The following CLASP1 variants were observed in gnomAD, a reference collection of about 807,000 sequenced individuals.
The protein encoded by CLASP1 is cytoplasmic linker associated protein 1.
In CLASP1, 38 loss-of-function variants were observed where a neutral mutation model predicts 192.3. The ratio of observed to expected loss-of-function variants is 0.20; its 90% CI spans 0.15 to 0.26. The LOEUF is 0.26. Among genes scored for constraint, CLASP1 ranks in the 10% least tolerant of loss-of-function variants. The pLI is 1.00. For missense variants in CLASP1, 1,433 were observed against 1,932.5 expected (o/e 0.74, Z 4.85); for synonymous variants, 691 against 712.8 (o/e 0.97, Z 0.49).
chr2:121,414,221 G>A lies in CLASP1; in HGVS notation c.2321-3252C>T, dbSNP rs957714438. On this transcript the variant is annotated intron_variant, in intron 23 of 39. Transcript: ENST00000263710. Reference sequence around the variant, plus strand: ...TCGAGAGGCTGCAGGTAAAAGGAATGGCAACACCCACAGGATTAACACAGA... The same window carrying A: ...TCGAGAGGCTGCAGGTAAAAGGAATAGCAACACCCACAGGATTAACACAGA... 6.6e-6 allele frequency among the ~76,000 whole-genome samples: 1 copy of A among 152,104 alleles called. No individual in the cohort carries two copies. Among genetic ancestry groups the A allele is most frequent in the Non-Finnish European group, 1.5e-5 (1 of 68,028 alleles).
intron 19 of CLASP1, among the ~76,000 whole-genome samples, chr2:121,435,944 T>A (rs2082223361): frequency 6.6e-6 from 1 of 152,332 alleles, no homozygotes; most frequent in Admixed American, 6.5e-5. Flanking sequence ...CAGATTTCCC[T>A]GTTTTCTTTG....
At chr2:121,629,067 C>A (rs1423699520) in intron 1 of CLASP1, among the ~76,000 whole-genome samples, 1 of 151,996 alleles carries the variant, frequency 6.6e-6, no homozygotes, top group Non-Finnish European at 1.5e-5. Context: ...CGTACAACAG[C>A]ATACTATGCA....
At chr2:121,514,233 C>T (rs2094222374) in intron 7 of CLASP1, among the ~76,000 whole-genome samples, 1 of 152,228 alleles carries the variant, frequency 6.6e-6, no homozygotes, top group Non-Finnish European at 1.5e-5. Flanking sequence ...ATGGTGGATT[C>T]ATGGTCTGGG....
chr2:121,471,283 A>T (rs2090672060), intron 8 of CLASP1, among the ~76,000 whole-genome samples: 1 of 152,244 alleles, frequency 6.6e-6, no homozygotes, highest in African/African-American at 2.4e-5. Flanking sequence ...CCCTGTCTCG[A>T]GAAAAAAGAA....
At chr2:121,449,194 C>T in intron 16 of CLASP1, 74 bp from the exon 17 acceptor site, 7 of 1,338,932 alleles carry the variant, frequency 5.2e-6, no homozygotes, top group Non-Finnish European at 7.2e-6. Context: ...TGGAGTACAC[C>T]ACAGAAGATT....
chr2:121,464,639 T>C (rs914519940), intron 9 of CLASP1, among the ~76,000 whole-genome samples: 1 of 152,216 alleles, frequency 6.6e-6, no homozygotes, highest in African/African-American at 2.4e-5. Context: ...GCTGCATAAA[T>C]GTCTTCTTTT....
In CLASP1 at chr2:121,384,169, TACAC is replaced by T. The variant is rs35612382; in HGVS notation, c.3375-1849_3375-1846del. Among the ~76,000 whole-genome samples, 76 of 142,454 alleles carry T rather than the reference TACAC, an allele frequency of 5.3e-4. 1 individual carries two copies. Among genetic ancestry groups the T allele is most frequent in the East Asian group, 1.4e-3 (7 of 4,950 alleles). The allele number at this position is 142,454 out of a possible 152,430, so 93.5% of individuals were successfully genotyped here. On this transcript the variant is annotated intron_variant, in intron 32 of 39. Coordinates refer to ENST00000263710, the Ensembl canonical transcript of CLASP1. Reference sequence around the variant, plus strand: ...ATACACACACACACATATATATATATACACACACACACACACACACACACATTTT... The same window carrying T: ...ATACACACACACACATATATATATATACACACACACACACACACACATTTT...
At position 121,421,278 on chromosome 2, in the gene CLASP1, C is replaced by T. The variant is rs754847067; in HGVS notation, c.2213-2549G>A. ...ATTTATTTAATTTCTTTTTTTGAGA[C>T]GGAGTCTTGCTCTGTCACCTGGGCT... is the stretch of plus-strand genomic sequence containing the variant. On this transcript the variant is annotated intron_variant, in intron 22 of 39. Coordinates refer to ENST00000263710, the Ensembl canonical transcript of CLASP1. Among the ~76,000 whole-genome samples, 35 of 152,070 alleles carry T rather than the reference C, an allele frequency of 2.3e-4. 1 individual carries two copies. Among genetic ancestry groups the T allele is most frequent in the Admixed American group, 1.1e-3 (17 of 15,272 alleles).
intron 2 of CLASP1, among the ~76,000 whole-genome samples, chr2:121,593,699 A>G (rs1284055004): frequency 2.0e-5 from 3 of 150,800 alleles, no homozygotes; most frequent in African/African-American, 7.4e-5. Context: ...GAACTGGATC[A>G]TGAAACAGGA....
chr2:121,531,042 A>G (rs942599416), intron 2 of CLASP1: 24 of 698,744 alleles, frequency 3.4e-5, no homozygotes, highest in South Asian at 1.3e-4. Context: ...ATCAGTTCAA[A>G]CAGCAGTAAT....
intron 2 of CLASP1, among the ~76,000 whole-genome samples, chr2:121,584,263 T>C (rs1215951502): frequency 6.6e-6 from 1 of 152,168 alleles, no homozygotes; most frequent in Admixed American, 6.5e-5. Flanking sequence ...TTTTATTATT[T>C]ATAAATCACC....
At chr2:121,435,708 C>A (rs1172376549) in intron 19 of CLASP1, among the ~76,000 whole-genome samples, 1 of 152,140 alleles carries the variant, frequency 6.6e-6, no homozygotes, top group Non-Finnish European at 1.5e-5. Context: ...AAAAACGCAG[C>A]CATTAAATCA....
chr2:121,516,716 T>C (rs1311067695), intron 6 of CLASP1, among the ~76,000 whole-genome samples: 2 of 152,364 alleles, frequency 1.3e-5, no homozygotes, highest in East Asian at 1.9e-4. Context: ...ACATACACAC[T>C]GATATGTCTA....
intron 7 of CLASP1, among the ~76,000 whole-genome samples, chr2:121,510,904 A>G (rs1176541993): frequency 1.3e-5 from 2 of 152,194 alleles, no homozygotes; most frequent in Non-Finnish European, 2.9e-5. Flanking sequence ...TCCAAGAAAC[A>G]GCAGATGCAC....
intron 2 of CLASP1, among the ~76,000 whole-genome samples, chr2:121,557,072 G>A (rs2058628345): frequency 6.6e-6 from 1 of 152,166 alleles, no homozygotes; most frequent in Non-Finnish European, 1.5e-5. Flanking sequence ...TTTGAATTCT[G>A]TTCTTCATTC....
chr2:121,436,532 T>A (rs1249075355), intron 19 of CLASP1, among the ~76,000 whole-genome samples: 1 of 151,558 alleles, frequency 6.6e-6, no homozygotes, highest in Non-Finnish European at 1.5e-5. Flanking sequence ...CACCTCAGCC[T>A]CCCAAGCAGC....
In CLASP1 at chr2:121,468,545, T is replaced by C. The variant is rs576325171; in HGVS notation, c.865+1263A>G. 6.6e-5 allele frequency among the ~76,000 whole-genome samples: 10 copies of C among 152,304 alleles called. No individual in the cohort carries two copies. In the South Asian group the frequency reaches 2.1e-3, roughly 32 times the overall value. On this transcript the variant is annotated intron_variant, in intron 9 of 39. Coordinates refer to ENST00000263710, the Ensembl canonical transcript of CLASP1. ...TTATTCTTTTTGTGGCAATTGTGAA[T>C]GGGAATTCATTCACGATTTGGCTCT...
Position 121,576,428 on chromosome 2 carries a change from T to C in CLASP1, c.195+29273A>G, listed in dbSNP as rs557786288. ...AGGAAGACTTGTACAAAGAGGTAGC[T>C]TGAGTATAGTGCAATACCAGGTAAA... On this transcript the variant is annotated intron_variant, in intron 2 of 39. Transcript: ENST00000263710. Among the ~76,000 whole-genome samples the C allele has an allele frequency of 3.9e-5, 6 of 152,314 alleles. No individual in the cohort carries two copies. The South Asian group carries it at 6.2e-4, about 16-fold the overall frequency.
chr2:121,470,662 G>C (rs775066184), intron 8 of CLASP1: 1 of 449,426 alleles, frequency 2.2e-6, no homozygotes, highest in South Asian at 1.6e-5. Context: ...TTTTTTGTTT[G>C]TTTGAATTTC....
Sources: gnomAD v4.1 joint callset for allele counts (sites outside exome capture counted in the v4.1 genomes callset) on GRCh38, gnomAD v4.1.1 for gene constraint, MANE v1.5 for transcripts, NCBI Gene and HGNC (gene_info 2026-07-23, HGNC 2026-07-21) for gene names.